DNAH9: variants seen among roughly 807,000 people sequenced by gnomAD.
DNAH9 encodes dynein axonemal heavy chain 9, also known as DNAH9 variant protein.
In DNAH9, 345 loss-of-function variants were observed where a neutral mutation model predicts 471.6. The ratio of observed to expected loss-of-function variants is 0.73; its 90% CI spans 0.67 to 0.80. DNAH9 has a LOEUF of 0.80. Ranked by LOEUF, DNAH9 falls within the 30% of genes least tolerant of loss-of-function variation. The pLI is 0.00. For missense variants in DNAH9, 5,407 were observed against 5,609.2 expected (o/e 0.96, Z 1.15); for synonymous variants, 2,093 against 2,123.6 (o/e 0.99, Z 0.40).
At chr17:11,735,948 A>C (rs1024636634) in intron 28 of DNAH9, among the ~76,000 whole-genome samples, 2 of 152,236 alleles carry the variant, frequency 1.3e-5, no homozygotes, top group Non-Finnish European at 2.9e-5. Flanking sequence ...CTGGCTTTTA[A>C]GCTTGAGCTG....
At chr17:11,964,278 A>T (rs956248974) in intron 68 of DNAH9, among the ~76,000 whole-genome samples, 1 of 152,174 alleles carries the variant, frequency 6.6e-6, no homozygotes, top group African/African-American at 2.4e-5. Context: ...GGCCTAGAGC[A>T]AGCCACAGCT....
intron 57 of DNAH9, among the ~76,000 whole-genome samples, chr17:11,888,017 T>G (rs543140493): frequency 4.0e-4 from 61 of 151,904 alleles, no homozygotes; most frequent in Non-Finnish European, 6.9e-4. Flanking sequence ...GAGTCTCGCT[T>G]TGTTGCCCAG....
intron 17 of DNAH9, among the ~76,000 whole-genome samples, chr17:11,675,122 C>T (rs2074029558): frequency 1.3e-5 from 2 of 152,046 alleles, no homozygotes; most frequent in Admixed American, 6.6e-5. Context: ...TATTTACATC[C>T]TTTTTATGTC....
At chr17:11,745,461 C>T (rs1051336144) in intron 31 of DNAH9, among the ~76,000 whole-genome samples, 3 of 152,120 alleles carry the variant, frequency 2.0e-5, no homozygotes, top group Admixed American at 1.3e-4. Flanking sequence ...AAAGAGAACA[C>T]CCAAAACCAG....
At chr17:11,919,912 T>C (rs1021400175) in intron 61 of DNAH9, among the ~76,000 whole-genome samples, 2 of 151,808 alleles carry the variant, frequency 1.3e-5, no homozygotes, top group Non-Finnish European at 2.9e-5. Context: ...AAGTAGGAAG[T>C]GAAATTCATG....
intron 35 of DNAH9, among the ~76,000 whole-genome samples, chr17:11,761,513 C>T (rs1306307518): frequency 2.0e-5 from 3 of 152,184 alleles, no homozygotes; most frequent in Non-Finnish European, 4.4e-5. Flanking sequence ...GGTCAGGTCC[C>T]GCTCCCACAC....
At chr17:11,900,160 G>A (rs1180657586) in intron 59 of DNAH9, among the ~76,000 whole-genome samples, 2 of 151,120 alleles carry the variant, frequency 1.3e-5, no homozygotes, top group Non-Finnish European at 2.9e-5. Context: ...CAAAAGTGGT[G>A]GTGCTGGGGC....
At chr17:11,621,138 G>A (rs1182277348) in intron 6 of DNAH9, among the ~76,000 whole-genome samples, 1 of 152,036 alleles carries the variant, frequency 6.6e-6, no homozygotes, top group Non-Finnish European at 1.5e-5. Context: ...GGCCGGGCAC[G>A]GTGGCTCTCC....
intron 60 of DNAH9, among the ~76,000 whole-genome samples, chr17:11,903,294 C>T (rs1395797899): frequency 6.6e-6 from 1 of 151,714 alleles, no homozygotes. Context: ...CCCGAGATTG[C>T]GTCACTACAC....
Position 11,756,409 on chromosome 17 carries a change from C to T in DNAH9, c.6739-159C>T, listed in dbSNP as rs145024236. ...CAACACATGGGAATTATGGGAGCTA[C>T]AATTCAAGATGAGATTTGGGTGGGG... On this transcript the variant is annotated intron_variant, in intron 33 of 68. Coordinates refer to ENST00000262442, the MANE Select transcript of DNAH9 (RefSeq NM_001372.4). Among the ~76,000 whole-genome samples, 1,088 of 152,174 alleles carry T rather than the reference C, an allele frequency of 7.1e-3. 11 individuals carry two copies. Among genetic ancestry groups the T allele is most frequent in the African/African-American group, 0.024 (1,004 of 41,506 alleles).
chr17:11,803,797 C>G (rs1597668666), intron 43 of DNAH9, among the ~76,000 whole-genome samples: 1 of 152,182 alleles, frequency 6.6e-6, no homozygotes, highest in South Asian at 2.1e-4. Flanking sequence ...GAGAACCCAG[C>G]TGGACTCCAA....
In DNAH9 at chr17:11,942,299, G is replaced by T; in HGVS notation, c.12661-4G>T. 6.2e-7 allele frequency: 1 copy of T among 1,613,168 alleles called. No homozygotes were observed. The highest frequency in any genetic ancestry group is 8.5e-7 in the Non-Finnish European group (1 of 1,179,414). On this transcript the variant is annotated splice_polypyrimidine_tract_variant and splice_region_variant and intron_variant, in intron 66 of 68. Transcript: ENST00000262442. ...TTAACGCTGTGTTTCCTTCTGTGGGGCAGGTCAAGGCACTTCTGGAAGAAA... is the reference window on the plus strand; with the variant it reads ...TTAACGCTGTGTTTCCTTCTGTGGGTCAGGTCAAGGCACTTCTGGAAGAAA...
In DNAH9 at chr17:11,645,873, CTTTTTCTT is replaced by C. The variant is rs1334212296; in HGVS notation, c.1970+1180_1971-1186del. ...TGATGTCCTGTACATTTCTCTTTTT[CTTTTTCTT>C]TTTTTTTTTTTTTTTTGAGACGGAG... is the stretch of plus-strand genomic sequence containing the variant. On this transcript the variant is annotated intron_variant, in intron 11 of 68. Coordinates refer to ENST00000262442, the MANE Select transcript of DNAH9 (RefSeq NM_001372.4). 9.6e-4 allele frequency among the ~76,000 whole-genome samples: 133 copies of C among 138,746 alleles called. 3 individuals are homozygous for C. Among genetic ancestry groups the C allele is most frequent in the Middle Eastern group, 3.8e-3 (1 of 260 alleles). The allele number at this position is 138,746 out of a possible 152,430, so 91.0% of individuals were successfully genotyped here.
chr17:11,715,922 T>C (rs1274229356), intron 26 of DNAH9, among the ~76,000 whole-genome samples: 1 of 151,978 alleles, frequency 6.6e-6, no homozygotes, highest in Admixed American at 6.6e-5. Context: ...TCAGAGGAGC[T>C]GATTTGGGTG....
At position 11,712,814 on chromosome 17, in the gene DNAH9, T is replaced by G. The variant is rs115617969; in HGVS notation, c.5553-6520T>G. ...AATTCTTTGTATATTCTGGATATGT[T>G]GCAAATGTGTTTGCAGATATTTTGT... On this transcript the variant is annotated intron_variant, in intron 26 of 68. Transcript: ENST00000262442. Among the ~76,000 whole-genome samples, 1,411 of 152,180 alleles carry G rather than the reference T, an allele frequency of 9.3e-3. 23 individuals are homozygous for G. The highest frequency in any genetic ancestry group is 0.032 in the African/African-American group (1,314 of 41,540).
At chr17:11,762,687 A>T (rs546346925) in intron 35 of DNAH9, among the ~76,000 whole-genome samples, 35 of 150,740 alleles carry the variant, frequency 2.3e-4, no homozygotes, top group Non-Finnish European at 4.3e-4. Context: ...TTTTCAATGG[A>T]AGGAAACCTC....
rs1597434877 is a variant in DNAH9, at chr17:11,651,090, A to G, written c.2119A>G (p.Met707Val). 1 of 1,613,632 alleles carries G rather than the reference A, an allele frequency of 6.2e-7. No individual in the cohort carries two copies. Among genetic ancestry groups the G allele is most frequent in the African/African-American group, 1.3e-5 (1 of 74,924 alleles). ...CCAGCTGATTTCAGTGCTGAAAGAAATGAGCTATCTTGAACCCAGAGAGAT... is the reference window on the plus strand; with the variant it reads ...CCAGCTGATTTCAGTGCTGAAAGAAGTGAGCTATCTTGAACCCAGAGAGAT... ...NPQLISVLKE[M>V]SYLEPREMKH... The change falls in exon 13 of 69, where the codon ATG (methionine) becomes GTG (valine). Residue 707 changes from methionine to valine, a missense_variant. Coordinates refer to ENST00000262442, the MANE Select transcript of DNAH9 (RefSeq NM_001372.4).
At chr17:11,834,016 A>G (rs190813708) in intron 48 of DNAH9, among the ~76,000 whole-genome samples, 3 of 152,264 alleles carry the variant, frequency 2.0e-5, no homozygotes, top group East Asian at 3.9e-4. Context: ...GAAGCAGCCT[A>G]AGCTGTTTTG....
chr17:11,598,951 T>C (rs538218756), intron 1 of DNAH9, 36 bp downstream of exon 1: 3 of 877,982 alleles, frequency 3.4e-6, no homozygotes. Flanking sequence ...CGGCTAAAGC[T>C]GGGTGGGGGA....
Sources: gnomAD v4.1 joint callset for allele counts (sites outside exome capture counted in the v4.1 genomes callset) on GRCh38, gnomAD v4.1.1 for gene constraint, MANE v1.5 for transcripts, NCBI Gene and HGNC (gene_info 2026-07-23, HGNC 2026-07-21) for gene names.